LRMDA: variants seen among roughly 807,000 people sequenced by gnomAD.
LRMDA encodes the protein leucine rich melanocyte differentiation associated.
Under a neutral mutation model 29.8 loss-of-function variants are expected in LRMDA, and 18 were observed. The observed-to-expected ratio is 0.60, with a 90% CI of 0.42 to 0.90. The LOEUF is 0.90. Ranked by LOEUF, LRMDA falls within the 40% of genes least tolerant of loss-of-function variation. The probability of loss-of-function intolerance (pLI) is 0.00; values close to 1 mark genes in which losing one functional copy is unlikely to be tolerated. For missense variants in LRMDA, 273 were observed against 273.9 expected (o/e 1.00, Z 0.02); for synonymous variants, 125 against 109.4 (o/e 1.14, Z -0.89).
chr10:75,676,234 C>T (rs183616260), intron 2 of LRMDA, among the ~76,000 whole-genome samples: 2 of 152,300 alleles, frequency 1.3e-5, no homozygotes, highest in East Asian at 3.9e-4. Flanking sequence ...GTGTTTTCTT[C>T]TCTGATTCCA....
intron 2 of LRMDA, among the ~76,000 whole-genome samples, chr10:75,595,610 G>A (rs1419686860): frequency 6.7e-6 from 1 of 149,260 alleles, no homozygotes; most frequent in Non-Finnish European, 1.5e-5. Flanking sequence ...CATATTAATA[G>A]TATTTCTGAG....
intron 4 of LRMDA, among the ~76,000 whole-genome samples, chr10:76,053,011 C>T (rs574088714): frequency 1.2e-4 from 18 of 152,290 alleles, no homozygotes; most frequent in African/African-American, 3.4e-4. Context: ...CTCCGGGTGT[C>T]GCAGGATTTA....
intron 2 of LRMDA, among the ~76,000 whole-genome samples, chr10:75,697,853 G>A (rs963779657): frequency 1.3e-5 from 2 of 149,182 alleles, no homozygotes; most frequent in African/African-American, 2.5e-5. Flanking sequence ...GTGTGTGTGC[G>A]TGTGTGTGTG....
chr10:76,491,588 T>C (rs976067361), intron 6 of LRMDA, among the ~76,000 whole-genome samples: 5 of 152,186 alleles, frequency 3.3e-5, no homozygotes, highest in Middle Eastern at 6.8e-3. Context: ...TTTCTCTTGC[T>C]ACTTTTAGGA....
At chr10:76,266,018 T>A (rs995377463) in intron 5 of LRMDA, among the ~76,000 whole-genome samples, 3 of 152,138 alleles carry the variant, frequency 2.0e-5, no homozygotes, top group Non-Finnish European at 4.4e-5. Context: ...GTGTTTGGAA[T>A]CCTGGCCATC....
chr10:76,227,173 A>G (rs1851974586), intron 5 of LRMDA, among the ~76,000 whole-genome samples: 1 of 152,162 alleles, frequency 6.6e-6, no homozygotes, highest in South Asian at 2.1e-4. Context: ...GGAAAAAAGG[A>G]ATTTAGAATG....
intron 2 of LRMDA, among the ~76,000 whole-genome samples, chr10:75,655,087 A>G (rs1283835444): frequency 1.3e-5 from 2 of 152,252 alleles, no homozygotes. Context: ...CATTAATAAT[A>G]TTAGGATTTG....
chr10:76,195,080 CA>C (rs1488439331), intron 5 of LRMDA, among the ~76,000 whole-genome samples: 1 of 152,144 alleles, frequency 6.6e-6, no homozygotes, highest in East Asian at 1.9e-4. Flanking sequence ...TTCCCTTCAT[CA>C]AAAGTTGTGC....
At chr10:76,441,077 C>T (rs1842297308) in intron 6 of LRMDA, among the ~76,000 whole-genome samples, 1 of 152,060 alleles carries the variant, frequency 6.6e-6, no homozygotes, top group Admixed American at 6.6e-5. Flanking sequence ...TCCTTCCTTC[C>T]ATCAACACCT....
At chr10:76,158,784 A>G (rs1257769160) in intron 5 of LRMDA, among the ~76,000 whole-genome samples, 1 of 152,144 alleles carries the variant, frequency 6.6e-6, no homozygotes, top group African/African-American at 2.4e-5. Flanking sequence ...TATTCCTTCT[A>G]ATAACCTAGA....
chr10:76,089,569 G>A (rs565374888), intron 5 of LRMDA, among the ~76,000 whole-genome samples: 4 of 152,104 alleles, frequency 2.6e-5, no homozygotes, highest in Non-Finnish European at 5.9e-5. Context: ...GCAGACTCCA[G>A]CTCAGTCATC....
intron 2 of LRMDA, among the ~76,000 whole-genome samples, chr10:75,513,112 A>T (rs1162154488): frequency 6.6e-6 from 1 of 152,206 alleles, no homozygotes; most frequent in Non-Finnish European, 1.5e-5. Context: ...TACTTGTTAA[A>T]ACCTTTCACC....
At chr10:75,432,170 T>G (rs1276422976) in intron 1 of LRMDA, among the ~76,000 whole-genome samples, 2 of 152,352 alleles carry the variant, frequency 1.3e-5, no homozygotes, top group East Asian at 3.9e-4. Flanking sequence ...TTTATACCAA[T>G]GCAGTTGTAA....
At position 76,342,437 on chromosome 10, in the gene LRMDA, C is replaced by A. The variant is rs551994353; in HGVS notation, c.601+17952C>A. Among the ~76,000 whole-genome samples the A allele has an allele frequency of 2.6e-5, 4 of 151,458 alleles. No homozygotes were observed. In the East Asian group the frequency reaches 5.8e-4, roughly 22 times the overall value. ...ACATATATTAACTTGAAAAAATAAG[C>A]AAAAATTGTAAAAGATATATTAAGC... On this transcript the variant is annotated intron_variant, in intron 6 of 6. Transcript: ENST00000611255.
At chr10:76,187,752 T>C (rs1851175654) in intron 5 of LRMDA, among the ~76,000 whole-genome samples, 2 of 152,168 alleles carry the variant, frequency 1.3e-5, no homozygotes, top group African/African-American at 2.4e-5. Context: ...CTTACTTCTG[T>C]GTCCTCTGAG....
chr10:76,443,155 G>A (rs1842320869), intron 6 of LRMDA, among the ~76,000 whole-genome samples: 1 of 152,082 alleles, frequency 6.6e-6, no homozygotes, highest in African/African-American at 2.4e-5. Context: ...TAAGGTACCT[G>A]GTACCTGAAC....
chr10:76,071,585 G>A (rs747228186), intron 5 of LRMDA, among the ~76,000 whole-genome samples: 18 of 152,168 alleles, frequency 1.2e-4, no homozygotes, highest in Admixed American at 2.0e-4. Context: ...TGAACAGGGC[G>A]AGTAAGCGGA....
chr10:76,362,126 C>A (rs1027133623), intron 6 of LRMDA, among the ~76,000 whole-genome samples: 1 of 152,300 alleles, frequency 6.6e-6, no homozygotes, highest in South Asian at 2.1e-4. Context: ...CACGACACTG[C>A]CATAGCCTCT....
intron 2 of LRMDA, among the ~76,000 whole-genome samples, chr10:75,456,829 CCACTCCCAG>C: frequency 6.6e-6 from 1 of 152,182 alleles, no homozygotes; most frequent in East Asian, 1.9e-4. Context: ...GTGCGTGCCA[CCACTCCCAG>C]CTAATTTTTG....
Sources: gnomAD v4.1 joint callset for allele counts (sites outside exome capture counted in the v4.1 genomes callset) on GRCh38, gnomAD v4.1.1 for gene constraint, MANE v1.5 for transcripts, NCBI Gene and HGNC (gene_info 2026-07-23, HGNC 2026-07-21) for gene names.